Variants in SV2B observed in about 807,000 individuals in gnomAD.
The protein encoded by SV2B is solute carrier family 22 member B2.
In SV2B, 41 loss-of-function variants were observed where a neutral mutation model predicts 73.9. The observed-to-expected ratio is 0.56, with a 90% CI of 0.43 to 0.72. SV2B has a LOEUF of 0.72. SV2B is among the 30% of genes least tolerant of loss of function. The pLI is 0.00. For missense variants in SV2B, 764 were observed against 857.8 expected, an observed-to-expected ratio of 0.89 and a Z score of 1.37; for synonymous variants, 314 against 314.2, an observed-to-expected ratio of 1.00 and a Z score of 0.01.
rs149391740 is a variant in SV2B, at chr15:91,160,538, A to G, written c.-392+60175A>G. Among the ~76,000 whole-genome samples the G allele has an allele frequency of 9.2e-5, 14 of 152,234 alleles. 1 individual carries two copies. Among genetic ancestry groups the G allele is most frequent in the African/African-American group, 3.1e-4 (13 of 41,544 alleles). ...CATGAGAATCACTTGAACTCAGGAG[A>G]CAGAGGTTACAGTGAGCTGAGATCA... On this transcript the variant is annotated intron_variant, in intron 1 of 12. Coordinates refer to ENST00000394232, the MANE Select transcript of SV2B (RefSeq NM_001323032.3).
In SV2B at chr15:91,132,206, T is replaced by C. The variant is rs2042675139; in HGVS notation, c.-392+31843T>C. Among the ~76,000 whole-genome samples, 1 of 152,176 alleles carries C rather than the reference T, an allele frequency of 6.6e-6. No homozygotes were observed. Among genetic ancestry groups the C allele is most frequent in the Non-Finnish European group, 1.5e-5 (1 of 68,030 alleles). On this transcript the variant is annotated intron_variant, in intron 1 of 12. Transcript: ENST00000394232. The surrounding 1 kb of genome is among the most constrained non-coding windows in gnomAD (Gnocchi z 4.6). The stretch of plus-strand genomic sequence containing the variant: ...GCTCAAGAGCCCAGCTACAGAATCG[T>C]CTCGGGTCCAAATACCCTCTAGAAG...
chr15:91,272,578 C>T (rs79931341), intron 9 of SV2B, among the ~76,000 whole-genome samples: 3,402 of 151,982 alleles, frequency 0.022, 78 homozygotes, highest in East Asian at 0.095. Flanking sequence ...AGATGATTTG[C>T]CAATGAAGGA....
chr15:91,163,947 G>A (rs1220140959), intron 1 of SV2B, among the ~76,000 whole-genome samples: 1 of 152,190 alleles, frequency 6.6e-6, no homozygotes, highest in African/African-American at 2.4e-5. Context: ...TGTATGAGGT[G>A]TAAGGAAGGG....
At chr15:91,149,043 A>G (rs924519343) in intron 1 of SV2B, among the ~76,000 whole-genome samples, 1 of 152,216 alleles carries the variant, frequency 6.6e-6, no homozygotes, top group Non-Finnish European at 1.5e-5. Flanking sequence ...GGCATTTGTC[A>G]ATTTGGCTAC....
intron 1 of SV2B, among the ~76,000 whole-genome samples, chr15:91,206,073 T>A (rs887287577): frequency 1.3e-5 from 2 of 152,172 alleles, no homozygotes; most frequent in African/African-American, 4.8e-5. Context: ...GGTCTTCCTC[T>A]GTTGCCCTGG....
chr15:91,214,197 A>G lies in SV2B; in HGVS notation c.-391-11676A>G, dbSNP rs1484629297. 4.6e-5 allele frequency among the ~76,000 whole-genome samples: 7 copies of G among 152,266 alleles called. No individual in the cohort carries two copies. The East Asian group carries it at 7.7e-4, about 17-fold the overall frequency. On this transcript the variant is annotated intron_variant, in intron 1 of 12. Transcript: ENST00000394232. The surrounding 1 kb of genome is among the most constrained non-coding windows in gnomAD (Gnocchi z 4.7). ...GTGGAGTGGGGTAGTGGTGACCCCA[A>G]CCTGGGGATGAGGATTCAGGGCAGG...
At chr15:91,286,542 A>G (rs1308421086) in intron 11 of SV2B, among the ~76,000 whole-genome samples, 2 of 152,336 alleles carry the variant, frequency 1.3e-5, no homozygotes, top group East Asian at 3.9e-4. Context: ...CTTAAGGCGC[A>G]AATGATCTAT....
At chr15:91,187,081 G>A (rs961787288) in intron 1 of SV2B, among the ~76,000 whole-genome samples, 3 of 152,108 alleles carry the variant, frequency 2.0e-5, no homozygotes, top group African/African-American at 7.2e-5. Context: ...TGCACAAGGC[G>A]TACTTTTAAG....
chr15:91,235,276 G>T (rs1418265408), intron 2 of SV2B, among the ~76,000 whole-genome samples: 1 of 152,140 alleles, frequency 6.6e-6, no homozygotes, highest in Admixed American at 6.6e-5. Flanking sequence ...TTATTTTCTT[G>T]TACAGTTTAT....
chr15:91,266,460 C>G, intron 6 of SV2B, 122 bp from the exon 7 acceptor site: 1 of 708,868 alleles, frequency 1.4e-6, no homozygotes, highest in South Asian at 2.0e-5. Flanking sequence ...TGAGTATGCT[C>G]TTTGAGAAAT....
At position 91,232,938 on chromosome 15, in the gene SV2B, A is replaced by G. The variant is rs1289622258; in HGVS notation, c.451+6224A>G. Among the ~76,000 whole-genome samples the G allele has an allele frequency of 1.3e-5, 2 of 152,210 alleles. No individual in the cohort carries two copies. The highest frequency in any genetic ancestry group is 1.3e-4 in the Admixed American group (2 of 15,278). ...AATACCCAATATTTAGCGCTCGCTT[A>G]TAAGTGAGAACATGCAGTGTTTAGT... On this transcript the variant is annotated intron_variant, in intron 2 of 12. Transcript: ENST00000394232. This position sits in a 1 kb window ranked among gnomAD's most constrained non-coding sequence, Gnocchi z 4.7.
intron 1 of SV2B, among the ~76,000 whole-genome samples, chr15:91,190,270 T>C (rs572424858): frequency 1.3e-5 from 2 of 152,354 alleles, no homozygotes; most frequent in South Asian, 4.1e-4. Context: ...ATATGAATGA[T>C]CTATGTAAGT....
intron 1 of SV2B, among the ~76,000 whole-genome samples, chr15:91,205,182 T>C (rs890834717): frequency 1.1e-4 from 16 of 152,174 alleles, no homozygotes; most frequent in African/African-American, 3.9e-4. Flanking sequence ...TTCCTTTCTC[T>C]AGTGTCAACC....
At chr15:91,255,494 T>C (rs1327776306) in intron 4 of SV2B, among the ~76,000 whole-genome samples, 3 of 152,082 alleles carry the variant, frequency 2.0e-5, no homozygotes, top group Admixed American at 2.0e-4. Context: ...GGGTGAGGTA[T>C]AAAAGACTAC....
intron 4 of SV2B, among the ~76,000 whole-genome samples, chr15:91,255,401 A>G (rs1017483291): frequency 6.6e-6 from 1 of 152,226 alleles, no homozygotes. Context: ...GTTCTCACTC[A>G]TAAGTAGGAG....
chr15:91,182,637 G>C (rs1567322313), intron 1 of SV2B, among the ~76,000 whole-genome samples: 1 of 152,116 alleles, frequency 6.6e-6, no homozygotes, highest in Non-Finnish European at 1.5e-5. Flanking sequence ...TGACCACAAG[G>C]GCATCTACGA....
chr15:91,186,465 TAGC>T (rs2044774133), intron 1 of SV2B, among the ~76,000 whole-genome samples: 1 of 152,218 alleles, frequency 6.6e-6, no homozygotes, highest in Admixed American at 6.5e-5. Context: ...GTGTGTCCTT[TAGC>T]AAGTCACTTG....
rs749345890 is a variant in SV2B at position 91,226,619 on chromosome 15, T to C, written c.356T>C (p.Leu119Pro). The C allele has an allele frequency of 6.2e-7, 1 of 1,614,184 alleles. No homozygotes were observed. Among genetic ancestry groups the C allele is most frequent in the Non-Finnish European group, 8.5e-7 (1 of 1,180,026 alleles). Reference sequence around the variant, plus strand: ...CTCTTTTTCGTCTTGGGTTTGGCCCTGATGGCCGATGGGGTGGAAGTGTTC... The same window carrying C: ...CTCTTTTTCGTCTTGGGTTTGGCCCCGATGGCCGATGGGGTGGAAGTGTTC... ...WILFFVLGLALMADGVEVFVV... is the reference protein window; with the variant it reads ...WILFFVLGLAPMADGVEVFVV... Residue 119 changes from leucine to proline, a missense_variant, in exon 2 of 13, where the codon CTG becomes CCG. Coordinates refer to ENST00000394232, the MANE Select transcript of SV2B (RefSeq NM_001323032.3).
In SV2B at chr15:91,242,238, C is replaced by A. The variant is rs2047048749; in HGVS notation, c.452-9581C>A. Among the ~76,000 whole-genome samples, 1 of 152,154 alleles carries A rather than the reference C, an allele frequency of 6.6e-6. No individual in the cohort carries two copies. The highest frequency in any genetic ancestry group is 1.5e-5 in the Non-Finnish European group (1 of 68,032). The stretch of plus-strand genomic sequence containing the variant: ...CACTGGTCTCTCTTCATATTCCTGG[C>A]CTTTAAATGTTGGAATGTCTCAGTG... On this transcript the variant is annotated intron_variant, in intron 2 of 12. Transcript: ENST00000394232. The surrounding 1 kb of genome is among the most constrained non-coding windows in gnomAD (Gnocchi z 4.9).
Sources: allele counts gnomAD v4.1 joint callset (sites outside exome capture counted in the v4.1 genomes callset), GRCh38; gene constraint gnomAD v4.1.1; non-coding constraint Gnocchi (gnomAD v3.1); transcripts MANE v1.5; gene names NCBI Gene and HGNC (gene_info 2026-07-23, HGNC 2026-07-21).